The following PIR variants were observed in gnomAD, a reference collection of about 807,000 sequenced individuals.
PIR encodes the protein pirin (iron-binding nuclear protein).
A neutral mutation model predicts 24.2 loss-of-function variants in PIR; 22 were observed. The ratio of observed to expected loss-of-function variants is 0.91; its 90% CI spans 0.65 to 1.30. The LOEUF is 1.30. Ranked by LOEUF, PIR falls within the 50% of genes most tolerant of loss-of-function variation. The pLI, the probability that PIR is intolerant of heterozygous loss-of-function variation, is 0.00. For synonymous variants in PIR, 80 were observed against 79.6 expected, an observed-to-expected ratio of 1.00 and a Z score of -0.03; for missense variants, 220 against 220.3, an observed-to-expected ratio of 1.00 and a Z score of 0.01.
At chrX:15,453,455 T>C (rs533974335) in intron 5 of PIR, among the ~76,000 whole-genome samples, 2 of 112,094 alleles carry the variant, frequency 1.8e-5, no homozygotes, top group African/African-American at 6.5e-5. Context: ...AGCTATTTCA[T>C]GGTAAGGATT....
intron 6 of PIR, among the ~76,000 whole-genome samples, chrX:15,425,662 G>A (rs895885153): frequency 8.1e-5 from 9 of 111,261 alleles, no homozygotes; most frequent in Non-Finnish European, 1.7e-4. Context: ...CACCCGCCTC[G>A]ACTTCCCAAA....
At chrX:15,444,239 C>A (rs1926014091) in intron 5 of PIR, among the ~76,000 whole-genome samples, 1 of 112,255 alleles carries the variant, frequency 8.9e-6, no homozygotes, top group Admixed American at 9.4e-5. Flanking sequence ...TCTAATCAGT[C>A]AGCACCCATC....
chrX:15,397,422 A>C lies in PIR; in HGVS notation c.693+27T>G, dbSNP rs148984945. The stretch of plus-strand genomic sequence containing the variant: ...AAACCAGTAGAAAGTACATGTTAAG[A>C]AAGTTAAAGGAAAATAACATACTTA... On this transcript the variant is annotated intron_variant, in intron 8 of 9. Transcript: ENST00000380420. 1,626 of 1,038,223 alleles carry C rather than the reference A, an allele frequency of 1.6e-3. 19 individuals are homozygous for C. In the African/African-American group the frequency reaches 0.025, roughly 16 times the overall value. The allele number at this position is 1,038,223 out of a possible 1,213,427, so 85.6% of individuals were successfully genotyped here.
chrX:15,436,880 T>C (rs1045634296), intron 5 of PIR, among the ~76,000 whole-genome samples: 26 of 112,172 alleles, frequency 2.3e-4, no homozygotes, highest in Non-Finnish European at 3.8e-5. Context: ...TTTATTATGG[T>C]CTAGGGCTTC....
chrX:15,466,006 G>GTTTTTTTTTTTTTTTTTTTT (rs200803758), intron 3 of PIR, among the ~76,000 whole-genome samples: 2 of 63,098 alleles, frequency 3.2e-5, no homozygotes, highest in African/African-American at 6.9e-5. Context: ...AATGGTGGCT[G>GTTTTTTTTTTTTTTTTTTTT]TTTTTTTTTT....
intron 5 of PIR, among the ~76,000 whole-genome samples, chrX:15,430,788 T>C (rs1218734262): frequency 8.9e-6 from 1 of 111,867 alleles, no homozygotes; most frequent in Non-Finnish European, 1.9e-5. Flanking sequence ...ATGGAAGCTA[T>C]GTGGCTTAAA....
chrX:15,413,259 A>C (rs1473869151), intron 6 of PIR, among the ~76,000 whole-genome samples: 1 of 111,755 alleles, frequency 8.9e-6, no homozygotes, highest in Non-Finnish European at 1.9e-5. Flanking sequence ...GACCCAGGCC[A>C]GAGAAGGGTC....
intron 6 of PIR, among the ~76,000 whole-genome samples, chrX:15,414,832 C>T (rs1924861460): frequency 9.1e-6 from 1 of 110,459 alleles, no homozygotes; most frequent in South Asian, 3.8e-4. Flanking sequence ...TTTAAAAGCC[C>T]CTGTAAAATA....
At chrX:15,398,617 G>A (rs1924259894) in intron 7 of PIR, among the ~76,000 whole-genome samples, 1 of 109,238 alleles carries the variant, frequency 9.2e-6, no homozygotes, top group South Asian at 4.0e-4. Context: ...ATCAGGGAAA[G>A]CCTTTAAACC....
At chrX:15,460,317 A>G (rs1921248862) in intron 3 of PIR, among the ~76,000 whole-genome samples, 1 of 112,385 alleles carries the variant, frequency 8.9e-6, no homozygotes. Context: ...AGCACTATTC[A>G]TAATAGCCAA....
chrX:15,469,899 A>C (rs1277553549), intron 3 of PIR, among the ~76,000 whole-genome samples: 2 of 111,707 alleles, frequency 1.8e-5, no homozygotes, highest in Non-Finnish European at 3.8e-5. Context: ...AGATCCCTGG[A>C]CCATGAAAGC....
chrX:15,417,303 A>G (rs1000253557), intron 6 of PIR, among the ~76,000 whole-genome samples: 13 of 112,592 alleles, frequency 1.2e-4, no homozygotes, highest in Admixed American at 9.4e-5. Context: ...GTTGAGAGAC[A>G]TTGCAAGACA....
intron 5 of PIR, among the ~76,000 whole-genome samples, chrX:15,454,509 G>A (rs7066003): frequency 0.032 from 3,448 of 108,852 alleles, 140 homozygotes; most frequent in African/African-American, 0.11. Context: ...AAATAAAAAC[G>A]GTAAAACTTT....
At chrX:15,464,453 C>T (rs887620448) in intron 3 of PIR, 9 of 745,143 alleles carry the variant, frequency 1.2e-5, no homozygotes, top group African/African-American at 6.9e-5. Context: ...TTTACATAGA[C>T]GCTGATGAAT....
chrX:15,401,697 C>CA (rs1380533754), intron 7 of PIR, among the ~76,000 whole-genome samples: 1 of 111,923 alleles, frequency 8.9e-6, no homozygotes, highest in Non-Finnish European at 1.9e-5. Flanking sequence ...TAACTGAAAA[C>CA]AATTTAATTG....
chrX:15,442,353 G>A (rs1457281894), intron 5 of PIR, among the ~76,000 whole-genome samples: 1 of 111,162 alleles, frequency 9.0e-6, no homozygotes, highest in Non-Finnish European at 1.9e-5. Context: ...CTAACTGGCC[G>A]TTCTCCATCT....
rs181306862 is a variant in PIR, at chrX:15,391,622, G to T, written c.694-1371C>A. Among the ~76,000 whole-genome samples the T allele has an allele frequency of 2.7e-3, 305 of 111,949 alleles. 1 individual carries two copies. The highest frequency in any genetic ancestry group is 9.1e-3 in the African/African-American group (280 of 30,863). On this transcript the variant is annotated intron_variant, in intron 8 of 9. Transcript: ENST00000380420. ...TGAAATTAAGGAGAACTGTAGTTCC[G>T]TCAGAAGTGAATTACATATGTACTT... is the stretch of plus-strand genomic sequence containing the variant.
At chrX:15,472,049 C>G (rs1266231972) in intron 3 of PIR, among the ~76,000 whole-genome samples, 1 of 111,599 alleles carries the variant, frequency 9.0e-6, no homozygotes, top group African/African-American at 3.3e-5. Flanking sequence ...AGGTAAGGTT[C>G]ACTTTATCTG....
intron 7 of PIR, among the ~76,000 whole-genome samples, chrX:15,404,088 T>A (rs1924481808): frequency 9.1e-6 from 1 of 109,869 alleles, no homozygotes. Flanking sequence ...GAAACTCTGC[T>A]CTCCGGGTTC....
Sources: gnomAD v4.1 joint callset for allele counts (sites outside exome capture counted in the v4.1 genomes callset) on GRCh38, gnomAD v4.1.1 for gene constraint, MANE v1.5 for transcripts, NCBI Gene and HGNC (gene_info 2026-07-23, HGNC 2026-07-21) for gene names.